CADM2: variants seen among roughly 807,000 people sequenced by gnomAD.
CADM2 encodes the protein cell adhesion molecule 2.
In CADM2, 12 loss-of-function variants were observed where a neutral mutation model predicts 49.8. The ratio of observed to expected loss-of-function variants is 0.24; its 90% CI spans 0.15 to 0.39. CADM2 has a LOEUF of 0.39. Among genes scored for constraint, CADM2 ranks in the 10% least tolerant of loss-of-function variants. The pLI is 1.00. For synonymous variants in CADM2, 214 were observed against 175.4 expected (o/e 1.22, Z -1.74); for missense variants, 378 against 492.3 (o/e 0.77, Z 2.20).
At chr3:85,330,750 G>T (rs2044895452) in intron 1 of CADM2, among the ~76,000 whole-genome samples, 1 of 147,972 alleles carries the variant, frequency 6.8e-6, no homozygotes, top group Non-Finnish European at 1.5e-5. Context: ...TGAGGCCAGG[G>T]CAGTAAGTGC....
At chr3:85,931,046 T>C (rs945587853) in intron 6 of CADM2, among the ~76,000 whole-genome samples, 1 of 151,908 alleles carries the variant, frequency 6.6e-6, no homozygotes, top group Non-Finnish European at 1.5e-5. Context: ...TATTTTAGAA[T>C]AGTATACCAA....
rs141337359 is a variant in CADM2 at position 86,059,875 on chromosome 3, T to C, written c.971-5730T>C. Among the ~76,000 whole-genome samples, 851 of 152,196 alleles carry C rather than the reference T, an allele frequency of 5.6e-3. 9 individuals carry two copies. The highest frequency in any genetic ancestry group is 0.049 in the East Asian group (256 of 5,172). On this transcript the variant is annotated intron_variant, in intron 8 of 9. Transcript: ENST00000383699. The stretch of plus-strand genomic sequence containing the variant: ...GAGAGGCTCTTAGTTCTAACAGTTA[T>C]GGGGATTTAAAAAAAAGCATAGCCA...
At chr3:85,363,368 ACAG>A (rs2032495430) in intron 1 of CADM2, among the ~76,000 whole-genome samples, 1 of 152,140 alleles carries the variant, frequency 6.6e-6, no homozygotes. Flanking sequence ...TATAATGCAA[ACAG>A]AATGGTAATG....
intron 3 of CADM2, among the ~76,000 whole-genome samples, chr3:85,815,805 T>G (rs1559677929): frequency 6.6e-6 from 1 of 152,138 alleles, no homozygotes; most frequent in Non-Finnish European, 1.5e-5. Context: ...GGAGTCAAAT[T>G]GTCTCTGTTT....
intron 1 of CADM2, among the ~76,000 whole-genome samples, chr3:85,268,381 T>A (rs1055108186): frequency 1.3e-5 from 2 of 151,460 alleles, no homozygotes; most frequent in Non-Finnish European, 3.0e-5. Flanking sequence ...TTATTAATAT[T>A]TTTAAACTAA....
intron 1 of CADM2, among the ~76,000 whole-genome samples, chr3:85,595,132 G>A (rs1217308454): frequency 6.6e-6 from 1 of 151,954 alleles, no homozygotes; most frequent in Non-Finnish European, 1.5e-5. Context: ...AATTGAAGTA[G>A]GAACTAATGC....
chr3:85,431,661 G>T (rs1035504165), intron 1 of CADM2, among the ~76,000 whole-genome samples: 1 of 151,294 alleles, frequency 6.6e-6, no homozygotes, highest in Non-Finnish European at 1.5e-5. Context: ...TGAATGGAAA[G>T]AAACATGGTT....
intron 1 of CADM2, among the ~76,000 whole-genome samples, chr3:85,229,305 C>T (rs952410495): frequency 1.1e-4 from 17 of 152,272 alleles, no homozygotes; most frequent in South Asian, 8.3e-4. Context: ...ATGCTGGTTG[C>T]GAAGACCATG....
At chr3:86,036,136 A>C (rs1735125629) in intron 8 of CADM2, among the ~76,000 whole-genome samples, 1 of 152,130 alleles carries the variant, frequency 6.6e-6, no homozygotes, top group South Asian at 2.1e-4. Context: ...ACAAACATTG[A>C]TTCATAACAC....
intron 1 of CADM2, among the ~76,000 whole-genome samples, chr3:85,074,842 C>T (rs965916092): frequency 6.6e-6 from 1 of 151,580 alleles, no homozygotes; most frequent in Non-Finnish European, 1.5e-5. Flanking sequence ...GATTTTTCTT[C>T]TCTATATTAT....
At chr3:84,968,006 C>G (rs931268941) in intron 1 of CADM2, among the ~76,000 whole-genome samples, 1 of 152,052 alleles carries the variant, frequency 6.6e-6, no homozygotes, top group African/African-American at 2.4e-5. Context: ...TCTGTTGTTA[C>G]ATAATCCCTT....
In CADM2 at chr3:85,688,224, C is replaced by A. The variant is rs1292657716; in HGVS notation, c.62-38298C>A. On this transcript the variant is annotated intron_variant, in intron 1 of 9. Coordinates refer to ENST00000383699, the MANE Select transcript of CADM2 (RefSeq NM_001167675.2). ...TATGGACTGCAGGGATGAGATAGGA[C>A]CGTTTGCATATAATAAAGAATATTC... Among the ~76,000 whole-genome samples the A allele has an allele frequency of 2.6e-5, 4 of 152,060 alleles. No homozygotes were observed. The East Asian group carries it at 7.7e-4, about 29-fold the overall frequency.
At chr3:85,452,423 C>T (rs566251359) in intron 1 of CADM2, among the ~76,000 whole-genome samples, 1 of 152,110 alleles carries the variant, frequency 6.6e-6, no homozygotes, top group Non-Finnish European at 1.5e-5. Context: ...TGAAGAAACA[C>T]TTTATAATAT....
At chr3:85,762,166 A>G (rs528138682) in intron 2 of CADM2, among the ~76,000 whole-genome samples, 1 of 151,986 alleles carries the variant, frequency 6.6e-6, no homozygotes, top group African/African-American at 2.4e-5. Context: ...GCAATCAGAA[A>G]CCCCCTTACT....
intron 1 of CADM2, among the ~76,000 whole-genome samples, chr3:85,061,463 G>A (rs2107444590): frequency 6.6e-6 from 1 of 151,948 alleles, no homozygotes; most frequent in South Asian, 2.1e-4. Context: ...CGTAACATTT[G>A]GGGAAAAACA....
chr3:86,012,345 A>G (rs1033524732), intron 8 of CADM2, among the ~76,000 whole-genome samples: 1 of 152,190 alleles, frequency 6.6e-6, no homozygotes, highest in Non-Finnish European at 1.5e-5. Flanking sequence ...CTTTGTTTCA[A>G]TTCTAATTCA....
At chr3:85,641,787 C>T (rs1415445949) in intron 1 of CADM2, among the ~76,000 whole-genome samples, 2 of 150,872 alleles carry the variant, frequency 1.3e-5, no homozygotes, top group African/African-American at 4.9e-5. Context: ...AAAAAATAGC[C>T]AGGTGTGGTG....
intron 1 of CADM2, among the ~76,000 whole-genome samples, chr3:85,060,191 C>T (rs932930122): frequency 2.0e-5 from 3 of 152,020 alleles, no homozygotes; most frequent in Non-Finnish European, 4.4e-5. Flanking sequence ...AGTGCAATGG[C>T]GCGATTTTGG....
intron 3 of CADM2, among the ~76,000 whole-genome samples, chr3:85,811,788 A>G (rs2072893560): frequency 6.6e-6 from 1 of 150,720 alleles, no homozygotes; most frequent in African/African-American, 2.4e-5. Flanking sequence ...TTGTGTATAT[A>G]TTTTCCTCTC....
Sources: gnomAD v4.1 joint callset for allele counts (sites outside exome capture counted in the v4.1 genomes callset) on GRCh38, gnomAD v4.1.1 for gene constraint, MANE v1.5 for transcripts, NCBI Gene and HGNC (gene_info 2026-07-23, HGNC 2026-07-21) for gene names.